The following SIK3 variants were observed in gnomAD, a reference collection of about 807,000 sequenced individuals.
The protein encoded by SIK3 is serine/threonine-protein kinase SIK3.
A neutral mutation model predicts 144.2 loss-of-function variants in SIK3; 28 were observed. The observed-to-expected ratio is 0.19, with a 90% CI of 0.14 to 0.27. SIK3 has a LOEUF of 0.27. Ranked by LOEUF, SIK3 falls within the 10% of genes least tolerant of loss-of-function variation. The pLI is 1.00. For synonymous variants in SIK3, 686 were observed against 676.3 expected (o/e 1.01, Z -0.22); for missense variants, 1,319 against 1,776.0 (o/e 0.74, Z 4.62).
intron 1 of SIK3, among the ~76,000 whole-genome samples, chr11:117,071,263 C>A (rs1378971543): frequency 6.6e-6 from 1 of 150,898 alleles, no homozygotes; most frequent in Admixed American, 6.6e-5. Flanking sequence ...GATATTTAAA[C>A]AATTAGCCCA....
rs1377521116 is a variant in SIK3 at position 117,085,103 on chromosome 11, TTTTC to T, written c.273+13036_273+13039del. On this transcript the variant is annotated intron_variant, in intron 1 of 24. Coordinates refer to ENST00000445177, the MANE Select transcript of SIK3 (RefSeq NM_001366686.3). The stretch of plus-strand genomic sequence containing the variant: ...GTGCTAATCAATCTTTCTTTCTTTC[TTTTC>T]TCTCTCTTTTCTTTCTTTCCTTTTT... Among the ~76,000 whole-genome samples the T allele has an allele frequency of 3.3e-5, 5 of 152,078 alleles. No homozygotes were observed. In the East Asian group the frequency reaches 7.7e-4, roughly 23 times the overall value.
At chr11:116,878,222 C>A (rs1301221704) in intron 6 of SIK3, among the ~76,000 whole-genome samples, 1 of 152,160 alleles carries the variant, frequency 6.6e-6, no homozygotes, top group African/African-American at 2.4e-5. Flanking sequence ...CATTCTTTCT[C>A]CATTACAATC....
At chr11:116,922,066 A>C (rs563254571) in intron 4 of SIK3, among the ~76,000 whole-genome samples, 1 of 152,308 alleles carries the variant, frequency 6.6e-6, no homozygotes, top group African/African-American at 2.4e-5. Flanking sequence ...TGAATCTTAT[A>C]GTATTTATGA....
intron 1 of SIK3, among the ~76,000 whole-genome samples, chr11:117,004,549 T>C (rs187408617): frequency 6.6e-6 from 1 of 152,202 alleles, no homozygotes; most frequent in Non-Finnish European, 1.5e-5. Flanking sequence ...TTATTTAGAC[T>C]ATCCAAACAG....
chr11:117,042,892 G>A (rs1379171438), intron 1 of SIK3, among the ~76,000 whole-genome samples: 1 of 152,120 alleles, frequency 6.6e-6, no homozygotes, highest in Admixed American at 6.6e-5. Flanking sequence ...AATAACTGTT[G>A]GTGCAATTAT....
intron 6 of SIK3, among the ~76,000 whole-genome samples, chr11:116,878,659 C>T (rs943487900): frequency 1.4e-4 from 21 of 152,228 alleles, no homozygotes; most frequent in East Asian, 1.9e-4. Context: ...GGATTACAGG[C>T]GTGAGCCACC....
chr11:116,962,463 A>C (rs1175033727), intron 1 of SIK3, among the ~76,000 whole-genome samples: 2 of 152,224 alleles, frequency 1.3e-5, no homozygotes, highest in African/African-American at 4.8e-5. Context: ...ATTTTTTTAA[A>C]AAATTTGTTT....
intron 1 of SIK3, among the ~76,000 whole-genome samples, chr11:117,091,189 G>GTT (rs1009535801): frequency 8.0e-5 from 10 of 124,866 alleles, no homozygotes; most frequent in South Asian, 2.4e-4. Flanking sequence ...AAATCCTGAG[G>GTT]TTTTTTTTTT....
intron 1 of SIK3, among the ~76,000 whole-genome samples, chr11:117,072,129 T>A (rs1369420558): frequency 6.6e-6 from 1 of 152,202 alleles, no homozygotes; most frequent in Non-Finnish European, 1.5e-5. Flanking sequence ...GGCTCACACC[T>A]GTAATCCCAG....
intron 4 of SIK3, among the ~76,000 whole-genome samples, chr11:116,911,305 C>T (rs1946331626): frequency 1.3e-5 from 2 of 151,580 alleles, no homozygotes; most frequent in South Asian, 2.1e-4. Flanking sequence ...GTCAGGAGTT[C>T]GAGACCAGCC....
intron 9 of SIK3, 179 bp from the exon 10 acceptor site, chr11:116,875,630 T>C: frequency 1.3e-6 from 1 of 799,234 alleles, no homozygotes; most frequent in Non-Finnish European, 1.9e-6. Context: ...CATCGCCTCA[T>C]GATTTGCTAT....
intron 4 of SIK3, among the ~76,000 whole-genome samples, chr11:116,909,786 G>A (rs1367052694): frequency 1.3e-5 from 2 of 152,040 alleles, no homozygotes; most frequent in African/African-American, 4.8e-5. Flanking sequence ...CAGAGAGGGT[G>A]GGAGAAAGGG....
rs869291065 is a variant in SIK3, at chr11:116,982,969, AT to A, written c.274-25906del. ...AAAAAAAAAAAAAAAAAAAAAAAAA[AT>A]TTCTGACCCGAGGGGATTTCTCTGA... On this transcript the variant is annotated intron_variant, in intron 1 of 24. Transcript: ENST00000445177. Among the ~76,000 whole-genome samples, 6 of 142,386 alleles carry A rather than the reference AT, an allele frequency of 4.2e-5. 2 individuals carry two copies. Among genetic ancestry groups the A allele is most frequent in the East Asian group, 4.0e-4 (2 of 5,012 alleles). 93.4% of individuals were successfully genotyped at this position (142,386 alleles called of 152,430 possible).
intron 1 of SIK3, among the ~76,000 whole-genome samples, chr11:117,081,948 CAAAT>C (rs1453832369): frequency 6.6e-6 from 1 of 151,994 alleles, no homozygotes; most frequent in Non-Finnish European, 1.5e-5. Context: ...AATAAAAAGA[CAAAT>C]AATCCAATTC....
intron 1 of SIK3, among the ~76,000 whole-genome samples, chr11:117,050,873 T>C (rs1043420781): frequency 2.6e-5 from 4 of 151,924 alleles, no homozygotes; most frequent in Non-Finnish European, 5.9e-5. Flanking sequence ...TTCTAGGATA[T>C]AGTGGAAGAT....
chr11:117,017,708 C>T (rs1000169252), intron 1 of SIK3, among the ~76,000 whole-genome samples: 14 of 152,086 alleles, frequency 9.2e-5, no homozygotes, highest in African/African-American at 3.4e-4. Context: ...GTAGGATCTA[C>T]AAATCCTATA....
Position 116,858,372 on chromosome 11 carries a change from C to T in SIK3, c.3093G>A (p.Ser1031=), listed in dbSNP as rs778525493. 12 of 1,613,478 alleles carry T rather than the reference C, an allele frequency of 7.4e-6. No individual in the cohort carries two copies. Among genetic ancestry groups the T allele is most frequent in the African/African-American group, 4.0e-5 (3 of 74,904 alleles). The stretch of plus-strand genomic sequence containing the variant: ...ACTCTGTTGGGGGCAGCCGGATGTC[C>T]GAGTGGCCGGTGAGCGAATGCCGGG... ...LSPRHSLTGH[S]DIRLPPTEFA... Residue 1031 remains serine, a synonymous_variant, in exon 21 of 25, where the codon TCG becomes TCA. Transcript: ENST00000445177. This position sits in a 1 kb window ranked among gnomAD's most constrained non-coding sequence, Gnocchi z 5.4.
intron 1 of SIK3, among the ~76,000 whole-genome samples, chr11:116,968,584 A>T (rs1389581683): frequency 6.6e-6 from 1 of 152,264 alleles, no homozygotes; most frequent in Non-Finnish European, 1.5e-5. Flanking sequence ...AAAGACAGCT[A>T]CATGAAGTAT....
intron 1 of SIK3, among the ~76,000 whole-genome samples, chr11:117,080,894 G>C (rs1565624721): frequency 1.3e-5 from 2 of 152,142 alleles, no homozygotes; most frequent in South Asian, 4.1e-4. Context: ...GTTGCAGTGA[G>C]CCAAGATCAT....
Sources: gnomAD v4.1 joint callset for allele counts (sites outside exome capture counted in the v4.1 genomes callset) on GRCh38, gnomAD v4.1.1 for gene constraint, Gnocchi (gnomAD v3.1) non-coding constraint, MANE v1.5 for transcripts, NCBI Gene and HGNC (gene_info 2026-07-23, HGNC 2026-07-21) for gene names.